Variants in ACTR3C observed in about 807,000 individuals in gnomAD.
ACTR3C encodes the protein actin related protein 3C.
A neutral mutation model predicts 26.3 loss-of-function variants in ACTR3C; 18 were observed. The ratio of observed to expected loss-of-function variants is 0.68; its 90% confidence interval spans 0.47 to 1.01. The LOEUF (loss-of-function observed/expected upper bound fraction) is 1.01. Among genes scored for constraint, ACTR3C ranks in the 50% least tolerant of loss-of-function variants. The probability of loss-of-function intolerance (pLI) is 0.00; values close to 1 mark genes in which losing one functional copy is unlikely to be tolerated. For missense variants in ACTR3C, 184 were observed against 250.7 expected (o/e 0.73, Z 1.80); for synonymous variants, 55 against 94.5 (o/e 0.58, Z 2.42).
At chr7:150,119,858 A>C in the ACTR3C span, among the ~76,000 whole-genome samples, 2 of 152,234 alleles carry the variant, frequency 1.3e-5, no homozygotes, top group African/African-American at 4.8e-5. Context: ...AGCAAATGCA[A>C]AAGAACGGAA....
the ACTR3C span, among the ~76,000 whole-genome samples, chr7:150,133,915 T>C: frequency 6.6e-6 from 1 of 152,012 alleles, no homozygotes; most frequent in African/African-American, 2.4e-5. Flanking sequence ...TTTTTCTATT[T>C]TTGGTAGAGA....
At chr7:150,028,538 T>G in the ACTR3C span, among the ~76,000 whole-genome samples, 11 of 152,308 alleles carry the variant, frequency 7.2e-5, no homozygotes, top group Non-Finnish European at 1.3e-4. Context: ...CAAGTGTCCT[T>G]CAGACCTAAG....
At chr7:150,153,930 G>A in the ACTR3C span, among the ~76,000 whole-genome samples, 1 of 148,724 alleles carries the variant, frequency 6.7e-6, no homozygotes, top group Non-Finnish European at 1.5e-5. Context: ...GTAGGGACAT[G>A]GATGAAATTG....
the ACTR3C span, among the ~76,000 whole-genome samples, chr7:150,039,348 C>T: frequency 2.8e-5 from 4 of 141,552 alleles, no homozygotes; most frequent in Non-Finnish European, 4.6e-5. Flanking sequence ...TCCCCACCCT[C>T]GTGGGGTTGC....
chr7:150,004,107 G>A, the ACTR3C span, among the ~76,000 whole-genome samples: 17 of 151,646 alleles, frequency 1.1e-4, no homozygotes, highest in African/African-American at 3.6e-4. Context: ...TGTGTATGGT[G>A]TGTATGATGT....
the ACTR3C span, among the ~76,000 whole-genome samples, chr7:149,925,956 G>A: frequency 2.6e-5 from 4 of 152,128 alleles, no homozygotes; most frequent in South Asian, 2.1e-4. Flanking sequence ...CCAGCTACTC[G>A]GGAGGCTGCA....
the ACTR3C span, among the ~76,000 whole-genome samples, chr7:149,989,464 C>T: frequency 1.3e-5 from 2 of 152,140 alleles, no homozygotes; most frequent in Non-Finnish European, 2.9e-5. Flanking sequence ...CCCAACCATC[C>T]CTGAGCTAGT....
chr7:150,208,052 T>C, the ACTR3C span, among the ~76,000 whole-genome samples: 1 of 152,154 alleles, frequency 6.6e-6, no homozygotes. Flanking sequence ...ACAACATATT[T>C]CGAGACACTG....
the ACTR3C span, among the ~76,000 whole-genome samples, chr7:150,213,668 G>C: frequency 1.3e-5 from 2 of 151,958 alleles, no homozygotes; most frequent in African/African-American, 2.4e-5. Flanking sequence ...AAAAGGGGCA[G>C]GAAAGAATAG....
At chr7:149,892,435 T>C in the ACTR3C span, 2 of 1,548,592 alleles carry the variant, frequency 1.3e-6, no homozygotes, top group South Asian at 1.2e-5. Flanking sequence ...TTTCTATCAC[T>C]ATCCATATCT....
the ACTR3C span, among the ~76,000 whole-genome samples, chr7:149,996,135 G>T: frequency 6.6e-6 from 1 of 152,278 alleles, no homozygotes; most frequent in Admixed American, 6.5e-5. Flanking sequence ...CATTCTAGGG[G>T]ACGTGGGGAG....
At chr7:150,130,142 T>C in the ACTR3C span, among the ~76,000 whole-genome samples, 5 of 152,196 alleles carry the variant, frequency 3.3e-5, no homozygotes, top group African/African-American at 1.2e-4. Flanking sequence ...AAAATGATCC[T>C]TGATCTTTAT....
chr7:150,059,260 G>A, the ACTR3C span, among the ~76,000 whole-genome samples: 2 of 152,190 alleles, frequency 1.3e-5, no homozygotes, highest in African/African-American at 4.8e-5. Flanking sequence ...CCAATCAGTT[G>A]TTACAGAGGG....
intron 6 of ACTR3C, among the ~76,000 whole-genome samples, chr7:150,253,957 C>T (rs1386591183): frequency 6.6e-6 from 1 of 151,658 alleles, no homozygotes; most frequent in Admixed American, 6.6e-5. Flanking sequence ...TGGGTATAGA[C>T]TCAGTCAGTA....
At chr7:150,180,801 T>C in the ACTR3C span, among the ~76,000 whole-genome samples, 8 of 148,700 alleles carry the variant, frequency 5.4e-5, no homozygotes, top group East Asian at 3.9e-4. Flanking sequence ...TGAGCCACTG[T>C]GCCTGGCCAG....
chr7:150,179,509 T>C, the ACTR3C span, among the ~76,000 whole-genome samples: 1 of 149,790 alleles, frequency 6.7e-6, no homozygotes, highest in Non-Finnish European at 1.5e-5. Context: ...TGTCTTATTT[T>C]ATTTTTATTG....
At chr7:150,065,054 G>T in the ACTR3C span, among the ~76,000 whole-genome samples, 1 of 151,630 alleles carries the variant, frequency 6.6e-6, no homozygotes, top group Non-Finnish European at 1.5e-5. Context: ...ATGGATAAAT[G>T]CCTCTCTAGA....
the ACTR3C span, among the ~76,000 whole-genome samples, chr7:149,883,904 C>T: frequency 6.6e-6 from 1 of 152,084 alleles, no homozygotes; most frequent in Non-Finnish European, 1.5e-5. Flanking sequence ...TCTTCTGGTT[C>T]TGTCTTCCCG....
chr7:150,039,229 C>T, the ACTR3C span, among the ~76,000 whole-genome samples: 8 of 148,610 alleles, frequency 5.4e-5, no homozygotes, highest in Non-Finnish European at 1.0e-4. Flanking sequence ...TCCTAAGAGC[C>T]AGTGGGGGAA....
Sources: allele counts gnomAD v4.1 joint callset (sites outside exome capture counted in the v4.1 genomes callset), GRCh38; gene constraint gnomAD v4.1.1; transcripts MANE v1.5; gene names NCBI Gene and HGNC (gene_info 2026-07-23, HGNC 2026-07-21).